Variants in ACTN3 observed in about 807,000 individuals in gnomAD.
ACTN3 encodes the protein actinin alpha 3, also known as alpha-actinin-3.
In ACTN3, 91 loss-of-function variants were observed where a neutral mutation model predicts 119.6. That is an observed-to-expected ratio of 0.76 (90% CI 0.64 to 0.91). ACTN3 has a LOEUF of 0.91. ACTN3 is among the 40% of genes least tolerant of loss of function. ACTN3 has a pLI of 0.00. For missense variants in ACTN3, 1,221 were observed against 1,215.1 expected, an observed-to-expected ratio of 1.00 and a Z score of -0.07; for synonymous variants, 456 against 478.8, an observed-to-expected ratio of 0.95 and a Z score of 0.62.
rs1016199123 is a variant in ACTN3, at chr11:66,560,758, C to T, written c.1860+3C>T. On this transcript the variant is annotated splice_donor_region_variant and intron_variant, in intron 15 of 20. Transcript: ENST00000513398. ...ACATCAACACCAAGTGGGATATGGT[C>T]AGTGCCACCTGCAGCCTTCCTCCCA... 2 of 1,604,584 alleles carry T rather than the reference C, an allele frequency of 1.2e-6. No homozygotes were observed. The highest frequency in any genetic ancestry group is 1.7e-4 in the Middle Eastern group (1 of 6,024).
At chr11:66,561,046 T>C (rs1365835086) in intron 15 of ACTN3, 181 bp from the exon 16 acceptor site, 1 of 371,970 alleles carries the variant, frequency 2.7e-6, no homozygotes, top group Non-Finnish European at 3.7e-6. Flanking sequence ...TCAGCCCCAT[T>C]TTGCAGATGA....
chr11:66,555,070 G>A (rs371549163), intron 5 of ACTN3, 60 bp from the exon 6 acceptor site: 83 of 1,508,244 alleles, frequency 5.5e-5, no homozygotes, highest in African/African-American at 1.7e-4. Context: ...CTCCTGGGCC[G>A]AGGGGAGAAC....
At chr11:66,561,704 G>A in intron 17 of ACTN3, 67 bp downstream of exon 17, 1 of 1,515,382 alleles carries the variant, frequency 6.6e-7, no homozygotes, top group Non-Finnish European at 8.9e-7. Context: ...GGAGATCACA[G>A]CTGGACAGAG....
Position 66,562,178 on chromosome 11 carries a change from G to A in ACTN3, c.2322+10G>A, listed in dbSNP as rs774427068. The A allele has an allele frequency of 1.6e-5, 26 of 1,613,832 alleles. No homozygotes were observed. On this transcript the variant is annotated intron_variant, in intron 18 of 20. Transcript: ENST00000513398. ...CAACCACTTTGACAGGGTCAGCAGG[G>A]GCCTGGCCCTGTGGGGTAAGACACT...
intron 9 of ACTN3, among the ~76,000 whole-genome samples, 198 bp downstream of exon 9, chr11:66,557,423 T>C (rs907404267): frequency 6.6e-5 from 10 of 152,360 alleles, no homozygotes; most frequent in Admixed American, 4.6e-4. Context: ...GATTCACTCA[T>C]CATTCATCCA....
At chr11:66,558,689 T>C (rs1857661097) in intron 11 of ACTN3, among the ~76,000 whole-genome samples, 1 of 152,114 alleles carries the variant, frequency 6.6e-6, no homozygotes, top group Admixed American at 6.5e-5. Context: ...AAACTCAGCC[T>C]TCCCCCTCAC....
chr11:66,553,853 C>CAAA (rs11448724), intron 3 of ACTN3, among the ~76,000 whole-genome samples, 192 bp from the exon 4 acceptor site: 3 of 81,750 alleles, frequency 3.7e-5, no homozygotes, highest in East Asian at 3.8e-4. Context: ...GACTCCATCT[C>CAAA]AAAAAAAAAA....
In ACTN3 at chr11:66,546,948, T is replaced by C; in HGVS notation, c.11T>C (p.Val4Ala). 6.5e-7 allele frequency: 1 copy of C among 1,537,230 alleles called. No homozygotes were observed. ...AGGAGCCCGATCGAGATGATGATGGTTATGCAGCCCGAGGGTCTGGGGGCC... is the reference window on the plus strand; with the variant it reads ...AGGAGCCCGATCGAGATGATGATGGCTATGCAGCCCGAGGGTCTGGGGGCC... MMM[V>A]MQPEGLGAGE... The change falls in exon 1 of 21, where the codon GTT becomes GCT. Residue 4 changes from valine (V) to alanine (A), a missense_variant. Around this residue, in one of 3 missense-constraint regions of ACTN3, gnomAD observed 239 missense variants for 231.8 expected, o/e 1.03. Transcript: ENST00000513398.
At chr11:66,552,353 G>C (rs1489524643) in intron 3 of ACTN3, among the ~76,000 whole-genome samples, 2 of 147,208 alleles carry the variant, frequency 1.4e-5, no homozygotes, top group African/African-American at 5.2e-5. Context: ...CTGGGTGACA[G>C]AGCTAGACTC....
chr11:66,550,879 C>A (rs540424034), intron 1 of ACTN3, among the ~76,000 whole-genome samples: 25 of 152,292 alleles, frequency 1.6e-4, no homozygotes, highest in African/African-American at 5.1e-4. Flanking sequence ...CAATATCACC[C>A]TGCACTGGCT....
Position 66,561,635 on chromosome 11 carries a change from G to A in ACTN3, c.2173G>A (p.Glu725Lys), listed in dbSNP as rs1857770672. Reference protein sequence around the residue: ...FDNKHTVYSMEHIRVGWEQLL... With the variant: ...FDNKHTVYSMKHIRVGWEQLL... ...CAATAAGCACACCGTCTACAGCATG[G>A]AGGTGGGATCACACCCTCTCAGGAG... Residue 725 changes from glutamate (E) to lysine (K), a missense_variant and splice_region_variant, in exon 17 of 21, where the codon GAG (glutamate) becomes AAG (lysine). By Grantham distance (56) the Glu-to-Lys change is moderately conservative. Around this residue, in one of 3 missense-constraint regions of ACTN3, gnomAD observed 934 missense variants for 899.9 expected, o/e 1.04. Transcript: ENST00000513398. The A allele has an allele frequency of 6.2e-7, 1 of 1,610,918 alleles. No homozygotes were observed. The highest frequency in any genetic ancestry group is 1.3e-5 in the African/African-American group (1 of 74,894).
chr11:66,560,871 A>G lies in ACTN3; in HGVS notation c.1860+116A>G, dbSNP rs141494262. 9.1e-4 allele frequency: 1,061 copies of G among 1,160,070 alleles called. 17 individuals carry two copies. In the East Asian group the frequency reaches 0.021, roughly 23 times the overall value. 71.9% of individuals were successfully genotyped at this position (1,160,070 alleles called of 1,614,324 possible). A position where few individuals can be genotyped will look rare whatever the true frequency, so the allele number is the denominator to read the frequency against. ...TCCATCTTCAGATGTGGGGTCTGCC[A>G]CAGACTCCACGTGGGATTGGATAAA... is the stretch of plus-strand genomic sequence containing the variant. On this transcript the variant is annotated intron_variant, in intron 15 of 20. Coordinates refer to ENST00000513398, the MANE Select transcript of ACTN3 (RefSeq NM_001104.4).
intron 15 of ACTN3, 167 bp downstream of exon 15, chr11:66,560,922 T>C: frequency 3.4e-6 from 1 of 296,816 alleles, no homozygotes; most frequent in Non-Finnish European, 5.0e-6. Context: ...CGGGCTCATC[T>C]GTATATGATG....
chr11:66,560,484 G>A (rs941735162), intron 14 of ACTN3, 89 bp from the exon 15 acceptor site: 10 of 1,497,506 alleles, frequency 6.7e-6, no homozygotes, highest in Admixed American at 6.1e-5. Flanking sequence ...GCCCAGGACT[G>A]GTGGGTGGCC....
chr11:66,561,429 G>A (rs1246524062), intron 16 of ACTN3, 29 bp from the exon 17 acceptor site: 1 of 1,602,322 alleles, frequency 6.2e-7, no homozygotes, highest in Admixed American at 1.7e-5. Flanking sequence ...GGAGTTGGGA[G>A]CCCTCATGCT....
Position 66,557,136 on chromosome 11 carries a change from G to A in ACTN3, c.808G>A (p.Glu270Lys). 1 of 1,552,450 alleles carries A rather than the reference G, an allele frequency of 6.4e-7. No individual in the cohort carries two copies. Among genetic ancestry groups the A allele is most frequent in the African/African-American group, 1.4e-5 (1 of 73,190 alleles). ...YHAFAGAEQAETAANRICKVL... is the reference protein window; with the variant it reads ...YHAFAGAEQAKTAANRICKVL... ...CTTCTGCCCACTCCCCCCACAGGCAGAGACAGCTGCCAACAGGATCTGCAA... is the reference window on the plus strand; with the variant it reads ...CTTCTGCCCACTCCCCCCACAGGCAAAGACAGCTGCCAACAGGATCTGCAA... The change falls in exon 9 of 21, where the codon GAG (glutamate) becomes AAG (lysine). Residue 270 changes from glutamate to lysine, a missense_variant. Around this residue, in one of 3 missense-constraint regions of ACTN3, gnomAD observed 934 missense variants for 899.9 expected, o/e 1.04. Transcript: ENST00000513398.
chr11:66,559,874 AC>A, intron 12 of ACTN3, 93 bp from the exon 13 acceptor site: 1 of 1,260,982 alleles, frequency 7.9e-7, no homozygotes, highest in Admixed American at 2.0e-5. Flanking sequence ...GCACGCCTTC[AC>A]CCCCATCCGG....
chr11:66,553,081 C>T (rs1226600850), intron 3 of ACTN3, among the ~76,000 whole-genome samples: 3 of 151,606 alleles, frequency 2.0e-5, no homozygotes, highest in East Asian at 3.9e-4. Context: ...ACAGTGAAAT[C>T]CATCTCTACT....
At chr11:66,549,732 CAA>C (rs61393902) in intron 1 of ACTN3, among the ~76,000 whole-genome samples, 1 of 43,028 alleles carries the variant, frequency 2.3e-5, no homozygotes, top group Non-Finnish European at 4.1e-5. Flanking sequence ...ACTCTGTCTC[CAA>C]AAAAAAAAAA....
Sources: gnomAD v4.1 joint callset for allele counts (sites outside exome capture counted in the v4.1 genomes callset) on GRCh38, gnomAD v4.1.1 for gene constraint, gnomAD v4.1.1 regional missense constraint, MANE v1.5 for transcripts, NCBI Gene and HGNC (gene_info 2026-07-23, HGNC 2026-07-21) for gene names.